Variants in PCDH9 observed in about 807,000 individuals in gnomAD.
PCDH9 encodes protocadherin 9, also known as protocadherin-9.
In PCDH9, 24 loss-of-function variants were observed where a neutral mutation model predicts 70.6. The observed-to-expected ratio is 0.34, with a 90% CI of 0.25 to 0.48. PCDH9 has a LOEUF of 0.48. Ranked by LOEUF, PCDH9 falls within the 20% of genes least tolerant of loss-of-function variation. PCDH9 has a pLI of 0.99. For synonymous variants in PCDH9, 562 were observed against 558.5 expected (o/e 1.01, Z -0.09); for missense variants, 1,281 against 1,503.6 (o/e 0.85, Z 2.45).
intron 3 of PCDH9, among the ~76,000 whole-genome samples, chr13:66,852,070 C>T (rs1212030124): frequency 3.9e-5 from 6 of 151,998 alleles, no homozygotes; most frequent in Admixed American, 1.3e-4. Context: ...CCCTTATAAC[C>T]TCATTTAACC....
At chr13:67,123,208 C>A (rs966550934) in intron 2 of PCDH9, among the ~76,000 whole-genome samples, 1 of 152,116 alleles carries the variant, frequency 6.6e-6, no homozygotes, top group African/African-American at 2.4e-5. Flanking sequence ...AGGTAAGTTT[C>A]CAGGGGAGAA....
chr13:67,128,490 C>T (rs2087032459), intron 2 of PCDH9, among the ~76,000 whole-genome samples: 1 of 152,156 alleles, frequency 6.6e-6, no homozygotes, highest in African/African-American at 2.4e-5. Context: ...CGTGCTGAAA[C>T]ACAGCAGGGT....
chr13:66,938,723 G>T (rs2082957696), intron 2 of PCDH9, among the ~76,000 whole-genome samples: 1 of 152,076 alleles, frequency 6.6e-6, no homozygotes, highest in Non-Finnish European at 1.5e-5. Flanking sequence ...TAACATCACT[G>T]GAAGACTGAG....
chr13:66,779,849 C>CTCTCTCTCTA (rs1395244975), intron 3 of PCDH9, among the ~76,000 whole-genome samples: 316 of 78,884 alleles, frequency 4.0e-3, no homozygotes, highest in African/African-American at 0.012. Context: ...CTCTCTCTCT[C>CTCTCTCTCTA]TATATATATA....
At chr13:66,867,283 T>G (rs1389125735) in intron 3 of PCDH9, among the ~76,000 whole-genome samples, 1 of 152,206 alleles carries the variant, frequency 6.6e-6, no homozygotes, top group Non-Finnish European at 1.5e-5. Flanking sequence ...GGATTATTAA[T>G]GTTCTCTCTG....
At chr13:66,336,751 TTG>T (rs1566250312) in intron 4 of PCDH9, among the ~76,000 whole-genome samples, 1 of 152,062 alleles carries the variant, frequency 6.6e-6, no homozygotes, top group Non-Finnish European at 1.5e-5. Context: ...ATCATTTTCT[TTG>T]TTTATCCTAA....
chr13:67,195,237 C>G (rs2138033925), intron 2 of PCDH9, among the ~76,000 whole-genome samples: 1 of 152,152 alleles, frequency 6.6e-6, no homozygotes, highest in South Asian at 2.1e-4. Flanking sequence ...GCTCCGCCTC[C>G]CAGGTTCATG....
chr13:67,045,940 G>C (rs1238467629), intron 2 of PCDH9, among the ~76,000 whole-genome samples: 1 of 151,840 alleles, frequency 6.6e-6, no homozygotes, highest in African/African-American at 2.4e-5. Context: ...CCTTCCTCCT[G>C]AATGATACTT....
chr13:67,205,408 A>G (rs2089314507), intron 2 of PCDH9: 2 of 152,190 alleles, frequency 1.3e-5, no homozygotes, highest in Admixed American at 1.3e-4. Flanking sequence ...AAGGGACTTC[A>G]AGAAAAAGCT....
intron 3 of PCDH9, among the ~76,000 whole-genome samples, chr13:66,788,301 G>A (rs2080110475): frequency 6.6e-6 from 1 of 151,970 alleles, no homozygotes; most frequent in Non-Finnish European, 1.5e-5. Context: ...CCTCTCAAAA[G>A]GCCTCGCCTC....
chr13:66,981,347 A>G (rs1312106044), intron 2 of PCDH9, among the ~76,000 whole-genome samples: 1 of 151,478 alleles, frequency 6.6e-6, no homozygotes, highest in Non-Finnish European at 1.5e-5. Flanking sequence ...CTGAGGCAGG[A>G]GAATGGCGTG....
chr13:66,509,910 AT>A (rs973019083), intron 4 of PCDH9, among the ~76,000 whole-genome samples: 3 of 152,156 alleles, frequency 2.0e-5, no homozygotes, highest in African/African-American at 7.2e-5. Context: ...CATTGAAAAC[AT>A]TTTTCTATGA....
chr13:66,936,198 T>G (rs972499449), intron 2 of PCDH9, among the ~76,000 whole-genome samples: 1 of 152,222 alleles, frequency 6.6e-6, no homozygotes, highest in Non-Finnish European at 1.5e-5. Flanking sequence ...TGTTATGCTT[T>G]GAGGTGTTAG....
chr13:66,356,996 C>T (rs991125587), intron 4 of PCDH9, among the ~76,000 whole-genome samples: 23 of 151,974 alleles, frequency 1.5e-4, no homozygotes, highest in African/African-American at 5.1e-4. Context: ...TTTCCATTTC[C>T]CCATACCAGT....
chr13:66,433,064 T>C (rs1425121493), intron 4 of PCDH9, among the ~76,000 whole-genome samples: 4 of 151,988 alleles, frequency 2.6e-5, no homozygotes, highest in Non-Finnish European at 5.9e-5. Context: ...AATTCTATTG[T>C]TCTTATTAAT....
chr13:66,914,111 C>T (rs1434731999), intron 2 of PCDH9, among the ~76,000 whole-genome samples: 2 of 151,712 alleles, frequency 1.3e-5, no homozygotes, highest in Admixed American at 6.6e-5. Flanking sequence ...GTTTAAAAGG[C>T]CAGAGTGTTT....
chr13:66,559,066 T>G (rs1012722481), intron 4 of PCDH9, among the ~76,000 whole-genome samples: 6 of 152,248 alleles, frequency 3.9e-5, no homozygotes, highest in African/African-American at 1.2e-4. Flanking sequence ...TTCCACTTAG[T>G]TTCTCTTGTG....
chr13:66,539,430 G>A (rs1960849450), intron 4 of PCDH9, among the ~76,000 whole-genome samples: 2 of 152,126 alleles, frequency 1.3e-5, no homozygotes, highest in South Asian at 2.1e-4. Flanking sequence ...GAGTTCTCAT[G>A]AGATCTGATG....
At chr13:66,449,700 C>G (rs924370009) in intron 4 of PCDH9, among the ~76,000 whole-genome samples, 5 of 152,148 alleles carry the variant, frequency 3.3e-5, no homozygotes, top group Non-Finnish European at 7.4e-5. Context: ...CTGAAATAGT[C>G]AAATCATGCA....
Sources: gnomAD v4.1 joint callset for allele counts (sites outside exome capture counted in the v4.1 genomes callset) on GRCh38, gnomAD v4.1.1 for gene constraint, MANE v1.5 for transcripts, NCBI Gene and HGNC (gene_info 2026-07-23, HGNC 2026-07-21) for gene names.